DGLUCY: variants seen among roughly 807,000 people sequenced by gnomAD.
DGLUCY encodes D-glutamate cyclase.
Under a neutral mutation model 58.5 loss-of-function variants are expected in DGLUCY, and 58 were observed. That is an observed-to-expected ratio of 0.99 (90% CI 0.80 to 1.23). DGLUCY has a LOEUF of 1.23. Ranked by LOEUF, DGLUCY falls within the 50% of genes most tolerant of loss-of-function variation. The pLI, the probability that DGLUCY is intolerant of heterozygous loss-of-function variation, is 0.00. For missense variants in DGLUCY, 779 were observed against 784.7 expected, an observed-to-expected ratio of 0.99 and a Z score of 0.09; for synonymous variants, 325 against 314.1, an observed-to-expected ratio of 1.03 and a Z score of -0.37.
At chr14:91,183,079 C>T (rs1403374146) in intron 8 of DGLUCY, among the ~76,000 whole-genome samples, 3 of 151,932 alleles carry the variant, frequency 2.0e-5, no homozygotes, top group Non-Finnish European at 2.9e-5. Flanking sequence ...GTAACCTCCA[C>T]CTCCTAGGCT....
chr14:91,209,805 T>A (rs1160706423), intron 12 of DGLUCY, among the ~76,000 whole-genome samples: 1 of 152,184 alleles, frequency 6.6e-6, no homozygotes, highest in African/African-American at 2.4e-5. Context: ...AAAGACACTA[T>A]ATGTGTCTTT....
chr14:91,213,802 T>C (rs1886095703), intron 12 of DGLUCY, among the ~76,000 whole-genome samples: 1 of 151,994 alleles, frequency 6.6e-6, no homozygotes, highest in South Asian at 2.1e-4. Flanking sequence ...CGGGTTCAAG[T>C]GGTTTTCCTG....
At chr14:91,165,161 A>T in intron 3 of DGLUCY, 1 of 451,480 alleles carries the variant, frequency 2.2e-6, no homozygotes, top group Non-Finnish European at 4.4e-6. Flanking sequence ...TACCTAGTAT[A>T]GTTCCTTTAA....
intron 1 of DGLUCY, among the ~76,000 whole-genome samples, chr14:91,126,153 AACTT>A: frequency 6.6e-6 from 1 of 152,126 alleles, no homozygotes. Flanking sequence ...AACAAATCCC[AACTT>A]ACTTGGTGGC....
chr14:91,155,567 T>C (rs2047570856), intron 1 of DGLUCY, among the ~76,000 whole-genome samples: 1 of 152,070 alleles, frequency 6.6e-6, no homozygotes, highest in Admixed American at 6.6e-5. Flanking sequence ...CCTGGCACTT[T>C]GAGAGGCCAA....
At chr14:91,223,833 G>A (rs1433751971) in intron 13 of DGLUCY, 8 of 570,034 alleles carry the variant, frequency 1.4e-5, no homozygotes, top group Non-Finnish European at 2.1e-5. Flanking sequence ...AAGGAGGCAT[G>A]ATGAGTACTT....
intron 5 of DGLUCY, 72 bp downstream of exon 5, chr14:91,170,273 G>A: frequency 1.3e-6 from 2 of 1,516,964 alleles, no homozygotes; most frequent in Non-Finnish European, 1.8e-6. Context: ...TATTCCTGGG[G>A]TGGGGAGAAC....
At chr14:91,208,063 A>G (rs1885062602) in intron 12 of DGLUCY, among the ~76,000 whole-genome samples, 1 of 152,276 alleles carries the variant, frequency 6.6e-6, no homozygotes, top group Admixed American at 6.5e-5. Context: ...TAATCTTTAC[A>G]TTACTGAACT....
In DGLUCY at chr14:91,168,712, C is replaced by T. The variant is rs368530414; in HGVS notation, c.258-1291C>T. Among the ~76,000 whole-genome samples, 21 of 152,318 alleles carry T rather than the reference C, an allele frequency of 1.4e-4. No homozygotes were observed. The East Asian group carries it at 2.3e-3, about 17-fold the overall frequency. On this transcript the variant is annotated intron_variant, in intron 4 of 13. Transcript: ENST00000256324. Reference sequence around the variant, plus strand: ...CCTTCTCTGTGTCACTCTACCTAGACGGTTGACATTCCTTGCTGTGTATTG... The same window carrying T: ...CCTTCTCTGTGTCACTCTACCTAGATGGTTGACATTCCTTGCTGTGTATTG...
chr14:91,162,584 C>T (rs1375749681), intron 3 of DGLUCY, among the ~76,000 whole-genome samples: 1 of 151,926 alleles, frequency 6.6e-6, no homozygotes, highest in African/African-American at 2.4e-5. Flanking sequence ...ACAAAACCTG[C>T]AAAGTTCATT....
Position 91,074,447 on chromosome 14 carries a change from C to G in DGLUCY, c.-82+13743C>G, listed in dbSNP as rs148677853. Among the ~76,000 whole-genome samples the G allele has an allele frequency of 6.4e-3, 967 of 151,732 alleles. 5 individuals are homozygous for G. Among genetic ancestry groups the G allele is most frequent in the Admixed American group, 0.014 (210 of 15,170 alleles). ...TGAGCTATGATGTGGTCTCATTGGACTCTAGCCTGGGTGACAGAGTGAGAA... is the reference window on the plus strand; with the variant it reads ...TGAGCTATGATGTGGTCTCATTGGAGTCTAGCCTGGGTGACAGAGTGAGAA... On this transcript the variant is annotated intron_variant, in intron 1 of 4. Coordinates refer to the DGLUCY transcript ENST00000521334.
chr14:91,185,095 C>T (rs1341749499), intron 8 of DGLUCY, among the ~76,000 whole-genome samples: 3 of 151,676 alleles, frequency 2.0e-5, no homozygotes, highest in East Asian at 2.0e-4. Context: ...AGCTTCTCAA[C>T]GTAGCTGGGA....
intron 12 of DGLUCY, among the ~76,000 whole-genome samples, chr14:91,212,113 T>C (rs776850604): frequency 2.0e-5 from 3 of 152,198 alleles, no homozygotes; most frequent in Non-Finnish European, 4.4e-5. Flanking sequence ...GATTATGACT[T>C]TTTAGATAAC....
At chr14:91,155,865 A>AAGG (rs1327647264) in intron 1 of DGLUCY, among the ~76,000 whole-genome samples, 1 of 150,432 alleles carries the variant, frequency 6.6e-6, no homozygotes, top group African/African-American at 2.4e-5. Context: ...GGGCCACCCC[A>AAGG]AGGCACAACT....
At chr14:91,121,562 G>C (rs1250236604) in intron 1 of DGLUCY, among the ~76,000 whole-genome samples, 1 of 150,888 alleles carries the variant, frequency 6.6e-6, no homozygotes, top group Non-Finnish European at 1.5e-5. Context: ...GGTGGCGATC[G>C]CGCCACTGCA....
intron 1 of DGLUCY, among the ~76,000 whole-genome samples, chr14:91,080,681 A>G (rs1039211736): frequency 6.6e-6 from 1 of 152,048 alleles, no homozygotes; most frequent in African/African-American, 2.4e-5. Context: ...AGAACATGTA[A>G]TTTTTAATGG....
chr14:91,207,841 A>G (rs1380383495), intron 12 of DGLUCY, among the ~76,000 whole-genome samples: 1 of 151,932 alleles, frequency 6.6e-6, no homozygotes, highest in Non-Finnish European at 1.5e-5. Context: ...CCTCCTCCCA[A>G]GTTCAAGCGA....
At chr14:91,161,414 A>T (rs941748077) in intron 3 of DGLUCY, among the ~76,000 whole-genome samples, 4 of 152,162 alleles carry the variant, frequency 2.6e-5, no homozygotes, top group African/African-American at 9.7e-5. Context: ...CATTAATCTC[A>T]CAATTCTGCA....
intron 1 of DGLUCY, among the ~76,000 whole-genome samples, chr14:91,071,178 A>T (rs1713095480): frequency 6.8e-6 from 1 of 147,418 alleles, no homozygotes; most frequent in African/African-American, 2.5e-5. Context: ...TAAAAATACA[A>T]AAAAAAAAAT....
Sources: allele counts gnomAD v4.1 joint callset (sites outside exome capture counted in the v4.1 genomes callset), GRCh38; gene constraint gnomAD v4.1.1; transcripts MANE v1.5; gene names NCBI Gene and HGNC (gene_info 2026-07-23, HGNC 2026-07-21).